The following SLC35F4 variants were observed in gnomAD, a reference collection of about 807,000 sequenced individuals.
SLC35F4 encodes the protein chromosome 14 open reading frame 36.
In SLC35F4, 24 loss-of-function variants were observed where a neutral mutation model predicts 44.2. The ratio of observed to expected loss-of-function variants is 0.54; its 90% CI spans 0.39 to 0.76. SLC35F4 has a LOEUF of 0.76. Among genes scored for constraint, SLC35F4 ranks in the 30% least tolerant of loss-of-function variants. The pLI is 0.00. For missense variants in SLC35F4, 562 were observed against 586.1 expected (o/e 0.96, Z 0.42); for synonymous variants, 238 against 223.6 (o/e 1.06, Z -0.57).
At chr14:57,724,923 A>G (rs1318117685) in intron 1 of SLC35F4, among the ~76,000 whole-genome samples, 1 of 152,210 alleles carries the variant, frequency 6.6e-6, no homozygotes. Context: ...ATTATATAAT[A>G]AGTCATGGGC....
rs1594916859 is a variant in SLC35F4 at position 57,578,235 on chromosome 14, C to G, written c.807+2979G>C. Among the ~76,000 whole-genome samples the G allele has an allele frequency of 2.0e-5, 3 of 148,504 alleles. No individual in the cohort carries two copies. In the South Asian group the frequency reaches 6.5e-4, roughly 32 times the overall value. The stretch of plus-strand genomic sequence containing the variant: ...GAGCTAAGCATATGAAAATTATAAT[C>G]CAACAAACATCTGTTTCTAAACTAC... On this transcript the variant is annotated intron_variant, in intron 4 of 7. Transcript: ENST00000556826.
intron 1 of SLC35F4, among the ~76,000 whole-genome samples, chr14:57,936,763 G>A (rs1205748809): frequency 1.3e-5 from 2 of 152,236 alleles, no homozygotes; most frequent in African/African-American, 4.8e-5. Flanking sequence ...ATGACTAGGG[G>A]AGGAGTTGTA....
chr14:57,681,419 C>A (rs1390260200), intron 1 of SLC35F4, among the ~76,000 whole-genome samples: 1 of 152,036 alleles, frequency 6.6e-6, no homozygotes, highest in Non-Finnish European at 1.5e-5. Context: ...CATAAAAACC[C>A]TAGAAGAAAA....
At chr14:57,766,434 G>C (rs893033451) in intron 1 of SLC35F4, among the ~76,000 whole-genome samples, 1 of 152,210 alleles carries the variant, frequency 6.6e-6, no homozygotes, top group African/African-American at 2.4e-5. Context: ...TGTCAGAACA[G>C]TGGAAATGAA....
rs548595537 is a variant in SLC35F4, at chr14:57,739,184, C to T, written c.103+126539G>A. 5.9e-5 allele frequency among the ~76,000 whole-genome samples: 9 copies of T among 152,154 alleles called. No homozygotes were observed. The East Asian group carries it at 1.5e-3, about 26-fold the overall frequency. On this transcript the variant is annotated intron_variant, in intron 1 of 7. Transcript: ENST00000556826. ...TTGGGACAGAGAGTCCTGAGGGTAC[C>T]TCCGGGTGGTAAATGGAATCATTTC... is the stretch of plus-strand genomic sequence containing the variant.
chr14:57,729,074 T>C (rs1193055751), intron 1 of SLC35F4, among the ~76,000 whole-genome samples: 1 of 152,208 alleles, frequency 6.6e-6, no homozygotes, highest in African/African-American at 2.4e-5. Flanking sequence ...TTGCTGTTTT[T>C]AGGATCCTTT....
At chr14:57,621,714 G>C (rs186677096) in intron 1 of SLC35F4, among the ~76,000 whole-genome samples, 47 of 151,996 alleles carry the variant, frequency 3.1e-4, no homozygotes, top group Middle Eastern at 3.4e-3. Context: ...CATAAAAACC[G>C]TAGAAGGAAA....
At chr14:57,937,064 C>CTTT (rs11458039) in intron 1 of SLC35F4, among the ~76,000 whole-genome samples, 11,222 of 144,120 alleles carry the variant, frequency 0.078, 587 homozygotes, top group Non-Finnish European at 0.11. Context: ...ATTTTACCTG[C>CTTT]TTTTTTTTTT....
chr14:57,775,414 C>G (rs2077464761), intron 1 of SLC35F4, among the ~76,000 whole-genome samples: 1 of 152,222 alleles, frequency 6.6e-6, no homozygotes, highest in African/African-American at 2.4e-5. Flanking sequence ...AACCAGTGGT[C>G]CAGGAGCAAG....
chr14:57,694,962 T>C (rs1048458185), intron 1 of SLC35F4, among the ~76,000 whole-genome samples: 5 of 152,206 alleles, frequency 3.3e-5, no homozygotes, highest in Non-Finnish European at 7.3e-5. Context: ...TAATATCATG[T>C]GTAAATAATG....
chr14:57,929,355 A>G (rs1464509527), intron 1 of SLC35F4, among the ~76,000 whole-genome samples: 1 of 152,072 alleles, frequency 6.6e-6, no homozygotes, highest in East Asian at 1.9e-4. Context: ...TTTCTTCTAA[A>G]CATTTTAGAA....
intron 1 of SLC35F4, among the ~76,000 whole-genome samples, chr14:57,663,612 A>G (rs955674170): frequency 6.6e-6 from 1 of 152,200 alleles, no homozygotes; most frequent in East Asian, 1.9e-4. Flanking sequence ...ACAATTGCTC[A>G]TATTTCTCCA....
chr14:57,722,854 T>C (rs1314916324), intron 1 of SLC35F4, among the ~76,000 whole-genome samples: 4 of 152,110 alleles, frequency 2.6e-5, no homozygotes, highest in Non-Finnish European at 5.9e-5. Flanking sequence ...GGACCCTCAA[T>C]CAATTTCCAG....
At chr14:57,764,253 T>C (rs2077187241) in intron 1 of SLC35F4, among the ~76,000 whole-genome samples, 1 of 152,168 alleles carries the variant, frequency 6.6e-6, no homozygotes, top group Non-Finnish European at 1.5e-5. Context: ...TAAGATGATT[T>C]GTTATGTAGC....
At chr14:57,757,006 A>G (rs1445790664) in intron 1 of SLC35F4, among the ~76,000 whole-genome samples, 1 of 152,130 alleles carries the variant, frequency 6.6e-6, no homozygotes, top group Non-Finnish European at 1.5e-5. Context: ...ATATTTGACT[A>G]TAATTGTGAA....
chr14:57,652,983 C>A (rs1402516916), intron 1 of SLC35F4, among the ~76,000 whole-genome samples: 3 of 152,196 alleles, frequency 2.0e-5, no homozygotes, highest in African/African-American at 7.2e-5. Flanking sequence ...TTCTGTTTGG[C>A]TCTTTTCCAT....
intron 1 of SLC35F4, among the ~76,000 whole-genome samples, chr14:57,893,646 G>A (rs1314946573): frequency 6.6e-6 from 1 of 152,114 alleles, no homozygotes; most frequent in African/African-American, 2.4e-5. Flanking sequence ...CACCTGCTTT[G>A]TAACTCATGT....
At chr14:57,770,820 TA>T (rs2077346235) in intron 1 of SLC35F4, among the ~76,000 whole-genome samples, 1 of 152,230 alleles carries the variant, frequency 6.6e-6, no homozygotes, top group Non-Finnish European at 1.5e-5. Context: ...TCGTGTAAGT[TA>T]CAGTATAGGA....
At chr14:57,898,932 C>A (rs149857951) in intron 1 of SLC35F4, among the ~76,000 whole-genome samples, 20 of 152,216 alleles carry the variant, frequency 1.3e-4, no homozygotes, top group African/African-American at 4.8e-4. Flanking sequence ...CAGGATCATG[C>A]CTCCAGAGTG....
Sources: gnomAD v4.1 joint callset for allele counts (sites outside exome capture counted in the v4.1 genomes callset) on GRCh38, gnomAD v4.1.1 for gene constraint, MANE v1.5 for transcripts, NCBI Gene and HGNC (gene_info 2026-07-23, HGNC 2026-07-21) for gene names.